PCDHGA8: variants seen among roughly 807,000 people sequenced by gnomAD.
PCDHGA8 encodes the protein protocadherin gamma subfamily A, 8, also known as protocadherin gamma-A8.
A neutral mutation model predicts 59.2 loss-of-function variants in PCDHGA8; 45 were observed. That is an observed-to-expected ratio of 0.76 (90% CI 0.60 to 0.98). The LOEUF (loss-of-function observed/expected upper bound fraction) is 0.98, where lower values mean the gene tolerates loss of function less well. PCDHGA8 is among the 50% of genes least tolerant of loss of function. PCDHGA8 has a pLI of 0.00. For synonymous variants in PCDHGA8, 531 were observed against 519.0 expected (o/e 1.02, Z -0.32); for missense variants, 1,257 against 1,196.2 (o/e 1.05, Z -0.75).
Position 141,477,200 on chromosome 5 carries a change from C to T in PCDHGA8, c.2425-17607C>T. ...AGTCACCTCCGTGTACAGCCCAGTACCCGAGGATGCCCCTCTGGGGACTGT... is the reference window on the plus strand; with the variant it reads ...AGTCACCTCCGTGTACAGCCCAGTATCCGAGGATGCCCCTCTGGGGACTGT... On this transcript the variant is annotated intron_variant, in intron 1 of 3. Transcript: ENST00000398604. This position sits in a 1 kb window ranked among gnomAD's most constrained non-coding sequence, Gnocchi z 4.9. The T allele has an allele frequency of 1.2e-6, 2 of 1,614,206 alleles. No individual in the cohort carries two copies. The highest frequency in any genetic ancestry group is 1.3e-5 in the African/African-American group (1 of 75,056).
rs754667421 is a variant in PCDHGA8 at position 141,394,982 on chromosome 5, C to T, written c.2169C>T (p.Arg723=). ...GLRLRRWHKS[R]LLQDSGGRLV... ...GGCTGAGGCGCTGGCACAAGTCACG[C>T]CTGCTCCAGGATTCCGGTGGCAGAT... The change falls in exon 1 of 4, where the codon CGC becomes CGT. Residue 723 remains arginine, a synonymous_variant. Transcript: ENST00000398604. 9.9e-6 allele frequency: 16 copies of T among 1,613,866 alleles called. No individual in the cohort carries two copies. The highest frequency in any genetic ancestry group is 1.3e-5 in the Non-Finnish European group (15 of 1,179,904).
chr5:141,413,981 C>A (rs563161887), intron 1 of PCDHGA8: 1 of 1,613,452 alleles, frequency 6.2e-7, no homozygotes, highest in Admixed American at 1.7e-5. Context: ...CTGACAGTCA[C>A]AGCCACCGAC....
intron 2 of PCDHGA8, among the ~76,000 whole-genome samples, chr5:141,501,052 A>G (rs1007055288): frequency 6.6e-6 from 1 of 151,988 alleles, no homozygotes; most frequent in Non-Finnish European, 1.5e-5. Flanking sequence ...TATTTTTAGT[A>G]GAGACGGGGT....
At chr5:141,421,973 G>C in intron 1 of PCDHGA8, 1 of 1,610,100 alleles carries the variant, frequency 6.2e-7, no homozygotes, top group Non-Finnish European at 8.5e-7. Context: ...TCCGTATATC[G>C]CGTGAGTGTT....
At position 141,430,258 on chromosome 5, in the gene PCDHGA8, A is replaced by G. The variant is rs542653323; in HGVS notation, c.2424+35021A>G. On this transcript the variant is annotated intron_variant, in intron 1 of 3. Coordinates refer to ENST00000398604, the MANE Select transcript of PCDHGA8 (RefSeq NM_032088.2). ...GAGAAACTCCTAGGGAGACATCTCC[A>G]TAATAGGTGTGTTGGGGGAACAGTA... is the stretch of plus-strand genomic sequence containing the variant. Among the ~76,000 whole-genome samples the G allele has an allele frequency of 5.4e-5, 8 of 148,074 alleles. No homozygotes were observed. In the South Asian group the frequency reaches 8.5e-4, roughly 16 times the overall value.
chr5:141,485,408 T>G lies in PCDHGA8; in HGVS notation c.2425-9399T>G. On this transcript the variant is annotated intron_variant, in intron 1 of 3. Transcript: ENST00000398604. The surrounding 1 kb of genome is among the most constrained non-coding windows in gnomAD (Gnocchi z 5.7). ...GAACCAAAGACACTTCCGTGTGGAT[T>G]TGGACAGCGGAGCCCTGCTCATCAA... 1 of 1,614,112 alleles carries G rather than the reference T, an allele frequency of 6.2e-7. No individual in the cohort carries two copies. The highest frequency in any genetic ancestry group is 8.5e-7 in the Non-Finnish European group (1 of 1,180,034).
intron 1 of PCDHGA8, chr5:141,409,139 GA>G: frequency 1.9e-6 from 3 of 1,614,012 alleles, no homozygotes; most frequent in Non-Finnish European, 2.5e-6. Context: ...TGAAGATGTA[GA>G]AAGGTACACC....
rs2099417733 is a variant in PCDHGA8, at chr5:141,477,771, G to C, written c.2425-17036G>C. ...ACCCCGGTCCTAGCCACCAACATCAGCGTGAACATATTTGTCACTGATCGC... is the reference window on the plus strand; with the variant it reads ...ACCCCGGTCCTAGCCACCAACATCACCGTGAACATATTTGTCACTGATCGC... On this transcript the variant is annotated intron_variant, in intron 1 of 3. Transcript: ENST00000398604. This position sits in a 1 kb window ranked among gnomAD's most constrained non-coding sequence, Gnocchi z 4.9. 3 of 1,613,992 alleles carry C rather than the reference G, an allele frequency of 1.9e-6. No homozygotes were observed. The highest frequency in any genetic ancestry group is 3.3e-4 in the Middle Eastern group (2 of 6,062).
chr5:141,481,835 C>T (rs892868552), intron 1 of PCDHGA8, among the ~76,000 whole-genome samples: 5 of 149,932 alleles, frequency 3.3e-5, no homozygotes, highest in Non-Finnish European at 7.4e-5. Flanking sequence ...GCAGGAGAAT[C>T]GCTTGATGGT....
chr5:141,410,450 T>G, intron 1 of PCDHGA8: 1 of 1,614,052 alleles, frequency 6.2e-7, no homozygotes, highest in Non-Finnish European at 8.5e-7. Flanking sequence ...GACTTTGCCT[T>G]ATTCTTATAA....
In PCDHGA8 at chr5:141,431,279, C is replaced by G. The variant is rs1163372308; in HGVS notation, c.2424+36042C>G. Reference sequence around the variant, plus strand: ...CTCTCTGCAGAGCTACGAGCTCAGCCCGAACACTCACTTCTCCCTCATCGT... The same window carrying G: ...CTCTCTGCAGAGCTACGAGCTCAGCGCGAACACTCACTTCTCCCTCATCGT... On this transcript the variant is annotated intron_variant, in intron 1 of 3. Coordinates refer to ENST00000398604, the MANE Select transcript of PCDHGA8 (RefSeq NM_032088.2). This position sits in a 1 kb window ranked among gnomAD's most constrained non-coding sequence, Gnocchi z 4.8. 1 of 1,614,028 alleles carries G rather than the reference C, an allele frequency of 6.2e-7. No individual in the cohort carries two copies. Among genetic ancestry groups the G allele is most frequent in the African/African-American group, 1.3e-5 (1 of 74,926 alleles).
At position 141,491,591 on chromosome 5, in the gene PCDHGA8, G is replaced by A. The variant is rs969259993; in HGVS notation, c.2425-3216G>A. 22 of 1,613,862 alleles carry A rather than the reference G, an allele frequency of 1.4e-5. No individual in the cohort carries two copies. The highest frequency in any genetic ancestry group is 1.8e-5 in the Non-Finnish European group (21 of 1,180,048). ...ACGTGCTTTTCACCGGCCTCGGACG[G>A]CAGTGACTTCACTTTTCTAAGACCC... On this transcript the variant is annotated intron_variant, in intron 1 of 3. Coordinates refer to ENST00000398604, the MANE Select transcript of PCDHGA8 (RefSeq NM_032088.2). This position sits in a 1 kb window ranked among gnomAD's most constrained non-coding sequence, Gnocchi z 6.9.
chr5:141,420,382 C>A, intron 1 of PCDHGA8: 1 of 1,300,530 alleles, frequency 7.7e-7, no homozygotes. Flanking sequence ...ATAGAGTTCG[C>A]AAAATATAGG....
chr5:141,494,929 GGA>G, intron 2 of PCDHGA8, 64 bp downstream of exon 2: 1 of 1,613,142 alleles, frequency 6.2e-7, no homozygotes, highest in Non-Finnish European at 8.5e-7. Flanking sequence ...TGACGTGGGA[GGA>G]GATGGGGGAG....
At chr5:141,507,121 G>A (rs940889204) in intron 3 of PCDHGA8, 1 of 152,126 alleles carries the variant, frequency 6.6e-6, no homozygotes, top group African/African-American at 2.4e-5. Flanking sequence ...GGCTGCCTTT[G>A]GATCCAGCCT....
chr5:141,393,187 A>T lies in PCDHGA8; in HGVS notation c.374A>T (p.Asp125Val), dbSNP rs1327222319. The T allele has an allele frequency of 6.2e-7, 1 of 1,613,380 alleles. No individual in the cohort carries two copies. Among genetic ancestry groups the T allele is most frequent in the East Asian group, 2.2e-5 (1 of 44,886 alleles). Residue 125 changes from aspartate to valine, a missense_variant, in exon 1 of 4, where the codon GAT becomes GTT. Coordinates refer to ENST00000398604, the MANE Select transcript of PCDHGA8 (RefSeq NM_032088.2). ...TTTGGGGTAGAAATAGAAATAATTG[A>T]TATTAACGATAATAACCCAAAATTC... is the stretch of plus-strand genomic sequence containing the variant. ...KLFGVEIEIIDINDNNPKFQV... is the reference protein window; with the variant it reads ...KLFGVEIEIIVINDNNPKFQV...
At chr5:141,456,788 C>A (rs2098888156) in intron 1 of PCDHGA8, among the ~76,000 whole-genome samples, 1 of 152,088 alleles carries the variant, frequency 6.6e-6, no homozygotes, top group Admixed American at 6.5e-5. Flanking sequence ...CATGGCAAAA[C>A]CCCATCTCTA....
chr5:141,508,479 T>G (rs1361434920), intron 3 of PCDHGA8, among the ~76,000 whole-genome samples: 1 of 152,152 alleles, frequency 6.6e-6, no homozygotes, highest in Non-Finnish European at 1.5e-5. Flanking sequence ...TCTTTTACAT[T>G]CTGGATTTCC....
At chr5:141,452,554 G>A (rs2098744143) in intron 1 of PCDHGA8, among the ~76,000 whole-genome samples, 1 of 152,140 alleles carries the variant, frequency 6.6e-6, no homozygotes, top group Admixed American at 6.5e-5. Context: ...TCCAGTTCTG[G>A]TTCTTCCTAG....
Sources: allele counts gnomAD v4.1 joint callset (sites outside exome capture counted in the v4.1 genomes callset), GRCh38; gene constraint gnomAD v4.1.1; non-coding constraint Gnocchi (gnomAD v3.1); transcripts MANE v1.5; gene names NCBI Gene and HGNC (gene_info 2026-07-23, HGNC 2026-07-21).